The following SH2D4B variants were observed in gnomAD, a reference collection of about 807,000 sequenced individuals.
SH2D4B encodes SH2 domain-containing protein 4B.
A neutral mutation model predicts 61.5 loss-of-function variants in SH2D4B; 45 were observed. The observed-to-expected ratio is 0.73, with a 90% confidence interval of 0.58 to 0.94. The LOEUF is 0.94. SH2D4B is among the 40% of genes least tolerant of loss of function. The pLI is 0.00. For synonymous variants in SH2D4B, 224 were observed against 220.4 expected (o/e 1.02, Z -0.14); for missense variants, 572 against 574.2 (o/e 1.00, Z 0.04).
intron 1 of SH2D4B, among the ~76,000 whole-genome samples, chr10:80,560,467 C>G (rs981486363): frequency 6.6e-6 from 1 of 151,242 alleles, no homozygotes; most frequent in East Asian, 1.9e-4. Context: ...TCCTGGGGCT[C>G]AAGCCATCCT....
intron 3 of SH2D4B, among the ~76,000 whole-genome samples, chr10:80,577,629 T>C (rs1055641715): frequency 6.6e-5 from 10 of 152,036 alleles, no homozygotes; most frequent in African/African-American, 2.4e-4. Context: ...GGTTTCACCA[T>C]GTTAGCCAGG....
chr10:80,543,359 G>C (rs962690742), intron 1 of SH2D4B, among the ~76,000 whole-genome samples: 1 of 151,956 alleles, frequency 6.6e-6, no homozygotes, highest in African/African-American at 2.4e-5. Flanking sequence ...CCACCTGGCC[G>C]GCCCCACCGG....
At chr10:80,543,491 ACCC>A (rs1841614579) in intron 1 of SH2D4B, among the ~76,000 whole-genome samples, 2 of 151,958 alleles carry the variant, frequency 1.3e-5, no homozygotes, top group Non-Finnish European at 2.9e-5. Context: ...GCCTAAGCCT[ACCC>A]CCTGCCTCCG....
intron 4 of SH2D4B, 104 bp from the exon 5 acceptor site, chr10:80,603,475 C>T: frequency 9.2e-7 from 1 of 1,085,566 alleles, no homozygotes; most frequent in Non-Finnish European, 1.3e-6. Context: ...TTTGCCACTA[C>T]ATTGCAATTA....
intron 3 of SH2D4B, among the ~76,000 whole-genome samples, chr10:80,572,019 G>A (rs1403311435): frequency 1.3e-5 from 2 of 151,912 alleles, no homozygotes; most frequent in Non-Finnish European, 2.9e-5. Flanking sequence ...TGATCCGCCC[G>A]CCTCGGCCTT....
chr10:80,588,207 G>T (rs765648976), intron 3 of SH2D4B, among the ~76,000 whole-genome samples: 13 of 152,124 alleles, frequency 8.5e-5, no homozygotes, highest in Non-Finnish European at 1.3e-4. Flanking sequence ...ATAACTAGAG[G>T]TTTGTGTAGC....
intron 3 of SH2D4B, among the ~76,000 whole-genome samples, chr10:80,573,126 A>AGGCGCCCGCCAC (rs1213905209): frequency 7.1e-6 from 1 of 141,458 alleles, no homozygotes; most frequent in African/African-American, 2.7e-5. Flanking sequence ...CTGGGACTAC[A>AGGCGCCCGCCAC]GGCGCCCGCC....
chr10:80,558,454 A>G (rs755383674), intron 1 of SH2D4B, among the ~76,000 whole-genome samples: 2 of 152,054 alleles, frequency 1.3e-5, no homozygotes, highest in Non-Finnish European at 2.9e-5. Context: ...GATGTTATTA[A>G]TATGCCATAT....
chr10:80,592,440 C>T (rs11186197), intron 4 of SH2D4B, among the ~76,000 whole-genome samples: 18,373 of 152,184 alleles, frequency 0.12, 1,255 homozygotes, highest in East Asian at 0.25. Flanking sequence ...CCTAAGAAAC[C>T]ATTGCCTAAT....
chr10:80,571,537 G>A lies in SH2D4B; in HGVS notation c.454G>A (p.Ala152Thr). ...KWKVEMEDRK[A>T]AKVLEERIHE... ...GAAAGTGGAGATGGAAGACCGCAAG[G>A]CTGCCAAAGTCCTGGAGGAACGCAT... Residue 152 changes from alanine (A) to threonine (T), a missense_variant, in exon 3 of 8, where the codon GCT (alanine) becomes ACT (threonine). Transcript: ENST00000646907. The A allele has an allele frequency of 1.2e-6, 2 of 1,614,070 alleles. No individual in the cohort carries two copies. The highest frequency in any genetic ancestry group is 1.7e-6 in the Non-Finnish European group (2 of 1,180,026).
chr10:80,586,750 C>T (rs921458650), intron 3 of SH2D4B, among the ~76,000 whole-genome samples: 3 of 152,154 alleles, frequency 2.0e-5, no homozygotes, highest in Admixed American at 2.0e-4. Context: ...GCTGTGGAAG[C>T]TTTGTTTTTT....
chr10:80,580,447 T>C (rs150552180), intron 3 of SH2D4B, among the ~76,000 whole-genome samples: 18 of 152,248 alleles, frequency 1.2e-4, no homozygotes, highest in African/African-American at 4.1e-4. Flanking sequence ...GAAGGAAGGC[T>C]GGTCAGTTGT....
At chr10:80,595,573 A>G (rs559825177) in intron 4 of SH2D4B, among the ~76,000 whole-genome samples, 197 of 152,250 alleles carry the variant, frequency 1.3e-3, no homozygotes, top group African/African-American at 4.5e-3. Flanking sequence ...GGCTGCCTTT[A>G]GCTTGAGATT....
intron 1 of SH2D4B, among the ~76,000 whole-genome samples, chr10:80,550,172 A>G (rs1466011425): frequency 6.7e-6 from 1 of 149,492 alleles, no homozygotes; most frequent in Non-Finnish European, 1.5e-5. Flanking sequence ...ATGAAGGAGA[A>G]CTCCTCCAGA....
intron 6 of SH2D4B, among the ~76,000 whole-genome samples, chr10:80,625,346 T>C (rs1211418610): frequency 2.0e-5 from 3 of 152,224 alleles, no homozygotes; most frequent in African/African-American, 7.2e-5. Flanking sequence ...GGAACCCCTG[T>C]GGATACCAAG....
Position 80,644,937 on chromosome 10 carries a change from G to A in SH2D4B, c.*852G>A. The A allele has an allele frequency of 6.6e-6, 1 of 152,140 alleles. No individual in the cohort carries two copies. Among genetic ancestry groups the A allele is most frequent in the East Asian group, 1.9e-4 (1 of 5,196 alleles). 9.4% of individuals were successfully genotyped at this position (152,140 alleles called of 1,614,324 possible). A position where few individuals can be genotyped will look rare whatever the true frequency, so the allele number is the denominator to read the frequency against. On this transcript the variant is annotated 3_prime_UTR_variant, in exon 8 of 8. Coordinates refer to ENST00000646907, the MANE Select transcript of SH2D4B (RefSeq NM_001388272.1). ...TCCTCATTGTCCTTTTAATTCCCTT[G>A]TCAACTTAATCTCAGTATGTTGCTT...
Position 80,609,412 on chromosome 10 carries a change from C to A in SH2D4B, c.861-12C>A. 1 of 1,609,242 alleles carries A rather than the reference C, an allele frequency of 6.2e-7. No homozygotes were observed. Among genetic ancestry groups the A allele is most frequent in the Non-Finnish European group, 8.5e-7 (1 of 1,176,782 alleles). On this transcript the variant is annotated splice_polypyrimidine_tract_variant and intron_variant, in intron 5 of 7. Coordinates refer to ENST00000646907, the MANE Select transcript of SH2D4B (RefSeq NM_001388272.1). ...CTGACTCTTCTGCCCTCCCCACTTTCTTTCTCTTCAGCAGGACCTGGGAGC... is the reference window on the plus strand; with the variant it reads ...CTGACTCTTCTGCCCTCCCCACTTTATTTCTCTTCAGCAGGACCTGGGAGC...
chr10:80,545,443 C>G (rs1841662529), intron 1 of SH2D4B, among the ~76,000 whole-genome samples: 1 of 151,674 alleles, frequency 6.6e-6, no homozygotes, highest in South Asian at 2.1e-4. Flanking sequence ...TCCTTTCTCT[C>G]CTCCTCTCCC....
chr10:80,634,253 G>GTGTTTTTT (rs1564531047), intron 6 of SH2D4B, 32 bp from the exon 7 acceptor site: 2 of 1,482,958 alleles, frequency 1.3e-6, no homozygotes, highest in Non-Finnish European at 1.8e-6. Context: ...AGAACCTGCT[G>GTGTTTTTT]TGTTTTTTTG....
Sources: allele counts gnomAD v4.1 joint callset (sites outside exome capture counted in the v4.1 genomes callset), GRCh38; gene constraint gnomAD v4.1.1; transcripts MANE v1.5; gene names NCBI Gene and HGNC (gene_info 2026-07-23, HGNC 2026-07-21).